Variants in NRG1 observed in about 807,000 individuals in gnomAD.
The protein encoded by NRG1 is neuregulin 1.
Under a neutral mutation model 63.8 loss-of-function variants are expected in NRG1, and 18 were observed. The ratio of observed to expected loss-of-function variants is 0.28; its 90% confidence interval spans 0.19 to 0.42. NRG1 has a LOEUF of 0.42. NRG1 is among the 10% of genes least tolerant of loss of function. The probability of loss-of-function intolerance (pLI) is 1.00; values close to 1 mark genes in which losing one functional copy is unlikely to be tolerated. For synonymous variants in NRG1, 302 were observed against 301.3 expected (o/e 1.00, Z -0.02); for missense variants, 762 against 814.7 (o/e 0.94, Z 0.79).
intron 1 of NRG1, among the ~76,000 whole-genome samples, chr8:32,249,605 G>A (rs1389893157): frequency 6.6e-6 from 1 of 152,086 alleles, no homozygotes; most frequent in African/African-American, 2.4e-5. Flanking sequence ...ACCAAAGCCA[G>A]TGCCAGAAAT....
At chr8:32,384,107 T>C (rs955805197) in intron 1 of NRG1, among the ~76,000 whole-genome samples, 1 of 152,060 alleles carries the variant, frequency 6.6e-6, no homozygotes, top group Admixed American at 6.6e-5. Context: ...AGTGGTGGTA[T>C]GTACCTATAG....
chr8:32,141,646 G>A (rs1296595629), intron 1 of NRG1, among the ~76,000 whole-genome samples: 3 of 132,024 alleles, frequency 2.3e-5, no homozygotes, highest in African/African-American at 5.6e-5. Flanking sequence ...TGCATGGAGA[G>A]ATATCTCTCC....
At chr8:32,268,190 C>A (rs1427815990) in intron 1 of NRG1, among the ~76,000 whole-genome samples, 1 of 152,134 alleles carries the variant, frequency 6.6e-6, no homozygotes, top group Non-Finnish European at 1.5e-5. Flanking sequence ...CACAGCCTTC[C>A]CTGGTTGAGC....
chr8:32,064,393 G>A (rs1824403554), intron 1 of NRG1, among the ~76,000 whole-genome samples: 1 of 152,084 alleles, frequency 6.6e-6, no homozygotes, highest in Non-Finnish European at 1.5e-5. Flanking sequence ...AAAACCATTT[G>A]TTCCCTAGAC....
At chr8:31,947,124 C>A (rs1381428787) in intron 1 of NRG1, among the ~76,000 whole-genome samples, 2 of 151,526 alleles carry the variant, frequency 1.3e-5, no homozygotes, top group Non-Finnish European at 2.9e-5. Flanking sequence ...CAAGGTGAAA[C>A]CCCGTCTCTA....
chr8:32,241,123 T>C (rs1848059558), intron 1 of NRG1, among the ~76,000 whole-genome samples: 1 of 151,846 alleles, frequency 6.6e-6, no homozygotes, highest in Non-Finnish European at 1.5e-5. Context: ...AACCACAGAG[T>C]TTCTGATTCA....
chr8:32,746,518 AAATTT>A (rs1827464973), intron 7 of NRG1, among the ~76,000 whole-genome samples: 1 of 152,190 alleles, frequency 6.6e-6, no homozygotes, highest in Non-Finnish European at 1.5e-5. Context: ...ATGCAATTGA[AAATTT>A]AAATTAACCT....
At chr8:32,161,929 C>T (rs1838875528) in intron 1 of NRG1, among the ~76,000 whole-genome samples, 1 of 152,174 alleles carries the variant, frequency 6.6e-6, no homozygotes, top group South Asian at 2.1e-4. Context: ...GCTCACATTC[C>T]ATTGGCCAGA....
chr8:32,716,074 C>G (rs1213458562), intron 5 of NRG1, among the ~76,000 whole-genome samples: 1 of 152,176 alleles, frequency 6.6e-6, no homozygotes, highest in Non-Finnish European at 1.5e-5. Context: ...GTGAACTCTT[C>G]CCTTGGTGGG....
At chr8:31,783,384 C>T (rs1400282836) in intron 1 of NRG1, among the ~76,000 whole-genome samples, 3 of 152,010 alleles carry the variant, frequency 2.0e-5, no homozygotes, top group Non-Finnish European at 1.5e-5. Context: ...GATATTTTCC[C>T]AGGGAAGTAT....
chr8:32,696,705 A>G (rs1261134060), intron 5 of NRG1, among the ~76,000 whole-genome samples: 1 of 132,230 alleles, frequency 7.6e-6, no homozygotes, highest in Non-Finnish European at 1.5e-5. Context: ...CTTGTTGCCC[A>G]GGCTGGAGTG....
chr8:31,707,040 G>C (rs567722537), intron 1 of NRG1, among the ~76,000 whole-genome samples: 1 of 151,802 alleles, frequency 6.6e-6, no homozygotes, highest in African/African-American at 2.4e-5. Context: ...ATTTTCTGAA[G>C]AATTGGTTGA....
At chr8:31,987,992 G>A (rs1255833472) in intron 1 of NRG1, among the ~76,000 whole-genome samples, 1 of 152,090 alleles carries the variant, frequency 6.6e-6, no homozygotes, top group Non-Finnish European at 1.5e-5. Context: ...TAAGACTAAA[G>A]TCCAGATTTC....
chr8:32,769,775 G>A (rs573960600), downstream of NRG1, among the ~76,000 whole-genome samples: 1 of 152,168 alleles, frequency 6.6e-6, no homozygotes, highest in Non-Finnish European at 1.5e-5. Context: ...TTTAAGGTTG[G>A]TGTTGAATAG....
chr8:32,073,431 G>A (rs528030316), intron 1 of NRG1, among the ~76,000 whole-genome samples: 11 of 152,152 alleles, frequency 7.2e-5, no homozygotes, highest in East Asian at 5.8e-4. Context: ...AGATTTCTCC[G>A]TAGCAGACTT....
intron 1 of NRG1, among the ~76,000 whole-genome samples, chr8:32,069,771 G>C (rs1436865239): frequency 2.0e-5 from 3 of 152,124 alleles, no homozygotes; most frequent in Admixed American, 2.0e-4. Context: ...GGCAGACTGA[G>C]GGGCACTCAG....
At chr8:31,806,253 T>TTATAA (rs975552911) in intron 1 of NRG1, among the ~76,000 whole-genome samples, 1 of 152,156 alleles carries the variant, frequency 6.6e-6, no homozygotes, top group Non-Finnish European at 1.5e-5. Context: ...TGTTGCTTAA[T>TTATAA]TATATATATA....
chr8:32,381,603 G>T (rs926635906), intron 1 of NRG1, among the ~76,000 whole-genome samples: 1 of 152,090 alleles, frequency 6.6e-6, no homozygotes, highest in Non-Finnish European at 1.5e-5. Flanking sequence ...AATACTGGGG[G>T]ACCAAATTAC....
chr8:32,331,363 T>TAAAAA (rs1408726998), intron 1 of NRG1, among the ~76,000 whole-genome samples: 2 of 8,424 alleles, frequency 2.4e-4, no homozygotes, highest in African/African-American at 1.2e-3. Context: ...CTACAAAAAA[T>TAAAAA]ACAAAAAAAA....
Sources: allele counts gnomAD v4.1 joint callset (sites outside exome capture counted in the v4.1 genomes callset), GRCh38; gene constraint gnomAD v4.1.1; transcripts MANE v1.5; gene names NCBI Gene and HGNC (gene_info 2026-07-23, HGNC 2026-07-21).